The following GABRR2 variants were observed in gnomAD, a reference collection of about 807,000 sequenced individuals.
GABRR2 encodes the protein gamma-aminobutyric acid receptor subunit rho-2.
In GABRR2, 36 loss-of-function variants were observed where a neutral mutation model predicts 47.0. That is an observed-to-expected ratio of 0.77 (90% CI 0.59 to 1.01). The LOEUF (loss-of-function observed/expected upper bound fraction) is 1.01. GABRR2 is among the 50% of genes least tolerant of loss of function. The pLI, the probability that GABRR2 is intolerant of heterozygous loss-of-function variation, is 0.00. For missense variants in GABRR2, 587 were observed against 594.6 expected, an observed-to-expected ratio of 0.99 and a Z score of 0.13; for synonymous variants, 204 against 227.5, an observed-to-expected ratio of 0.90 and a Z score of 0.93.
Position 89,267,701 on chromosome 6 carries a change from C to G in GABRR2, c.714G>C (p.Arg238Ser). 3.1e-6 allele frequency: 5 copies of G among 1,613,574 alleles called. No homozygotes were observed. The highest frequency in any genetic ancestry group is 4.2e-6 in the Non-Finnish European group (5 of 1,179,716). Residue 238 changes from arginine to serine, a missense_variant, in exon 6 of 9, where the codon AGG becomes AGC. Physicochemically the swap from Arg to Ser is moderately radical, Grantham distance 110. Coordinates refer to ENST00000402938, the MANE Select transcript of GABRR2 (RefSeq NM_002043.5). ...TACCAGTGCTGCTGTAGAAGGCCAGCCTGGAAGTTGTGTGAAATTTCTGAA... is the reference window on the plus strand; with the variant it reads ...TACCAGTGCTGCTGTAGAAGGCCAGGCTGGAAGTTGTGTGAAATTTCTGAA... Reference protein sequence around the residue: ...FLIQKFHTTSRLAFYSSTGWY... With the variant: ...FLIQKFHTTSSLAFYSSTGWY...
At chr6:89,264,133 A>G (rs1279326106) in intron 8 of GABRR2, among the ~76,000 whole-genome samples, 5 of 152,136 alleles carry the variant, frequency 3.3e-5, no homozygotes, top group East Asian at 1.9e-4. Context: ...GGGTTCTGTA[A>G]TCTCCCTTTT....
chr6:89,255,526 G>A lies in GABRR2; in HGVS notation c.*2144C>T, dbSNP rs1421545878. On this transcript the variant is annotated 3_prime_UTR_variant, in exon 9 of 9. Coordinates refer to ENST00000402938, the MANE Select transcript of GABRR2 (RefSeq NM_002043.5). ...ATGCATTTTTGTTCTTCATTGGTCT[G>A]TGAGACTGGGAAATCTAGTAGTCTT... Among the ~76,000 whole-genome samples the A allele has an allele frequency of 6.6e-6, 1 of 152,152 alleles. No homozygotes were observed. Among genetic ancestry groups the A allele is most frequent in the East Asian group, 1.9e-4 (1 of 5,198 alleles).
At position 89,256,093 on chromosome 6, in the gene GABRR2, C is replaced by T. The variant is rs1413252873; in HGVS notation, c.*1577G>A. On this transcript the variant is annotated 3_prime_UTR_variant, in exon 9 of 9. Coordinates refer to ENST00000402938, the MANE Select transcript of GABRR2 (RefSeq NM_002043.5). ...ACCTGGCTAATATTTTTAATTTTTA[C>T]TAATTTAAATTTAAATAGACATGTG... Among the ~76,000 whole-genome samples the T allele has an allele frequency of 1.3e-5, 2 of 149,636 alleles. No individual in the cohort carries two copies. Among genetic ancestry groups the T allele is most frequent in the Non-Finnish European group, 3.0e-5 (2 of 67,674 alleles).
intron 2 of GABRR2, among the ~76,000 whole-genome samples, chr6:89,292,829 C>CGTATA (rs1554198141): frequency 1.0e-4 from 2 of 19,772 alleles, no homozygotes; most frequent in African/African-American, 2.1e-4. Context: ...TCGTATATAT[C>CGTATA]GTATATACGA....
intron 1 of GABRR2, among the ~76,000 whole-genome samples, chr6:89,303,857 G>A (rs1767505894): frequency 6.6e-6 from 1 of 152,140 alleles, no homozygotes; most frequent in African/African-American, 2.4e-5. Context: ...AATAAGGCAA[G>A]GACTCTTCAT....
At chr6:89,296,761 G>A (rs1304419238) in intron 2 of GABRR2, among the ~76,000 whole-genome samples, 4 of 152,240 alleles carry the variant, frequency 2.6e-5, no homozygotes, top group Non-Finnish European at 4.4e-5. Context: ...GGACTGTGGC[G>A]TGTTGCAGCA....
intron 3 of GABRR2, 95 bp from the exon 4 acceptor site, chr6:89,269,329 G>T: frequency 3.3e-6 from 3 of 919,736 alleles, no homozygotes; most frequent in Non-Finnish European, 3.5e-6. Context: ...AACATCTCAG[G>T]CTCAGCATCC....
rs745843321 is a variant in GABRR2, at chr6:89,269,194, T to C, written c.329A>G (p.Asp110Gly). ...GGCGCTGGAGAAAGCTAGCCTCTCA[T>C]CCTTCCAGTAATGCCGCAGGTACAG... ...MTLYLRHYWK[D>G]ERLAFSSASN... The change falls in exon 4 of 9, where the codon GAT becomes GGT. Residue 110 changes from aspartate to glycine, a missense_variant. Transcript: ENST00000402938. 1.9e-6 allele frequency: 3 copies of C among 1,614,024 alleles called. No individual in the cohort carries two copies. The South Asian group carries it at 3.3e-5, about 18-fold the overall frequency.
At chr6:89,269,588 G>A (rs768911578) in intron 3 of GABRR2, among the ~76,000 whole-genome samples, 2 of 152,204 alleles carry the variant, frequency 1.3e-5, no homozygotes, top group Non-Finnish European at 2.9e-5. Context: ...TTACCCATTG[G>A]CTAACCATTC....
intron 2 of GABRR2, among the ~76,000 whole-genome samples, chr6:89,273,524 C>T (rs539971442): frequency 2.6e-5 from 4 of 152,202 alleles, no homozygotes; most frequent in Non-Finnish European, 5.9e-5. Context: ...CATGAGCCAC[C>T]GCACCGGCCT....
intron 1 of GABRR2, among the ~76,000 whole-genome samples, chr6:89,303,296 C>CA (rs1301650229): frequency 6.6e-5 from 10 of 152,194 alleles, no homozygotes; most frequent in African/African-American, 2.4e-4. Context: ...ACCTAGGCCA[C>CA]GTGTGTGCTG....
At chr6:89,289,112 G>A (rs149451787) in intron 2 of GABRR2, among the ~76,000 whole-genome samples, 5 of 152,356 alleles carry the variant, frequency 3.3e-5, no homozygotes, top group East Asian at 1.9e-4. Context: ...TGGTGAGTCC[G>A]TCAGAAGGAG....
chr6:89,260,895 A>G (rs1773729820), intron 8 of GABRR2, among the ~76,000 whole-genome samples: 1 of 152,230 alleles, frequency 6.6e-6, no homozygotes, highest in Non-Finnish European at 1.5e-5. Flanking sequence ...GTGAGGCAGC[A>G]GATGGTGCCT....
At chr6:89,289,020 G>GA (rs552638320) in intron 2 of GABRR2, among the ~76,000 whole-genome samples, 2 of 151,894 alleles carry the variant, frequency 1.3e-5, no homozygotes, top group South Asian at 2.1e-4. Context: ...GATGTCAAAG[G>GA]AAAAAAAGGT....
chr6:89,280,112 G>A (rs953852483), intron 2 of GABRR2, among the ~76,000 whole-genome samples: 2 of 151,682 alleles, frequency 1.3e-5, no homozygotes, highest in African/African-American at 4.9e-5. Context: ...TGGAGGCTGA[G>A]GTAGGAGAAT....
In GABRR2 at chr6:89,255,916, AATT is replaced by A. The variant is rs1280248780; in HGVS notation, c.*1751_*1753del. Among the ~76,000 whole-genome samples the A allele has an allele frequency of 6.6e-6, 1 of 151,748 alleles. No homozygotes were observed. The highest frequency in any genetic ancestry group is 1.5e-5 in the Non-Finnish European group (1 of 67,986). On this transcript the variant is annotated 3_prime_UTR_variant, in exon 9 of 9. Coordinates refer to ENST00000402938, the MANE Select transcript of GABRR2 (RefSeq NM_002043.5). ...AACTTCAACTAATTTAAATAATAATAATTATTATTTTAGAGATAGGGTCTCGCT... is the reference window on the plus strand; with the variant it reads ...AACTTCAACTAATTTAAATAATAATAATTATTTTAGAGATAGGGTCTCGCT...
chr6:89,277,453 T>C (rs9654558), intron 2 of GABRR2, among the ~76,000 whole-genome samples: 39,460 of 151,970 alleles, frequency 0.26, 5,217 homozygotes, highest in East Asian at 0.4. Context: ...ACAGAATATA[T>C]AAATAACTCC....
chr6:89,313,345 C>G (rs970888466), intron 1 of GABRR2, among the ~76,000 whole-genome samples: 1 of 152,194 alleles, frequency 6.6e-6, no homozygotes, highest in Non-Finnish European at 1.5e-5. Flanking sequence ...ATTTGCATAA[C>G]AAAGGTTCTA....
chr6:89,310,266 C>G (rs939982366), intron 1 of GABRR2, among the ~76,000 whole-genome samples: 6 of 152,182 alleles, frequency 3.9e-5, no homozygotes, highest in Admixed American at 3.9e-4. Flanking sequence ...TCCAAGCCCT[C>G]TTGCCTACTT....
Sources: gnomAD v4.1 joint callset for allele counts (sites outside exome capture counted in the v4.1 genomes callset) on GRCh38, gnomAD v4.1.1 for gene constraint, MANE v1.5 for transcripts, NCBI Gene and HGNC (gene_info 2026-07-23, HGNC 2026-07-21) for gene names.